Variants in ZCCHC4 observed in about 807,000 individuals in gnomAD.
ZCCHC4 encodes rRNA N(6)-adenosine-methyltransferase ZCCHC4.
A neutral mutation model predicts 67.7 loss-of-function variants in ZCCHC4; 54 were observed. The ratio of observed to expected loss-of-function variants is 0.80; its 90% confidence interval spans 0.64 to 1.00. The LOEUF (loss-of-function observed/expected upper bound fraction) is 1.00, where lower values mean the gene tolerates loss of function less well. ZCCHC4 is among the 50% of genes least tolerant of loss of function. The pLI, the probability that ZCCHC4 is intolerant of heterozygous loss-of-function variation, is 0.00. For synonymous variants in ZCCHC4, 198 were observed against 213.5 expected (o/e 0.93, Z 0.63); for missense variants, 609 against 617.0 (o/e 0.99, Z 0.14).
At chr4:25,319,746 G>C (rs779520477) in intron 3 of ZCCHC4, among the ~76,000 whole-genome samples, 1 of 151,936 alleles carries the variant, frequency 6.6e-6, no homozygotes, top group African/African-American at 2.4e-5. Context: ...TCATGTGTAA[G>C]TAGACCTAAG....
At position 25,358,456 on chromosome 4, in the gene ZCCHC4, TAG is replaced by T. The variant is rs1387612789; in HGVS notation, c.1012-3401_1012-3400del. On this transcript the variant is annotated intron_variant, in intron 8 of 12. Transcript: ENST00000302874. The stretch of plus-strand genomic sequence containing the variant: ...AAAAGCTAAGTTCTTGAATACACAA[TAG>T]ACTTTCTTGTAAAGTCTGTTGTATT... 8.5e-5 allele frequency among the ~76,000 whole-genome samples: 13 copies of T among 152,348 alleles called. No individual in the cohort carries two copies. The East Asian group carries it at 2.5e-3, about 29-fold the overall frequency.
Position 25,349,482 on chromosome 4 carries a change from T to G in ZCCHC4, c.760-10T>G. 6.2e-7 allele frequency: 1 copy of G among 1,611,664 alleles called. No homozygotes were observed. Among genetic ancestry groups the G allele is most frequent in the South Asian group, 1.1e-5 (1 of 90,526 alleles). ...GTCCTAATTTAGAAATGAATTTTTATTTGTTCCAGACTGCCCTTGAAGTAT... is the reference window on the plus strand; with the variant it reads ...GTCCTAATTTAGAAATGAATTTTTAGTTGTTCCAGACTGCCCTTGAAGTAT... On this transcript the variant is annotated splice_polypyrimidine_tract_variant and intron_variant, in intron 6 of 12. Transcript: ENST00000302874.
intron 5 of ZCCHC4, among the ~76,000 whole-genome samples, chr4:25,342,962 ATGAC>A (rs1188369563): frequency 6.6e-6 from 1 of 152,204 alleles, no homozygotes; most frequent in Non-Finnish European, 1.5e-5. Flanking sequence ...ATTTTTAAAA[ATGAC>A]TGTTGTATCT....
At chr4:25,360,698 T>C (rs1238336921) in intron 8 of ZCCHC4, among the ~76,000 whole-genome samples, 1 of 152,200 alleles carries the variant, frequency 6.6e-6, no homozygotes, top group Non-Finnish European at 1.5e-5. Flanking sequence ...CAAGAGGTCT[T>C]GGGACCTGTA....
Position 25,351,639 on chromosome 4 carries a change from G to A in ZCCHC4, c.961G>A (p.Glu321Lys). The change falls in exon 8 of 13, where the codon GAA becomes AAA. Residue 321 changes from glutamate (E) to lysine (K), a missense_variant. Coordinates refer to ENST00000302874, the MANE Select transcript of ZCCHC4 (RefSeq NM_024936.3). ...PIFWIFPYFF[E>K]SRICQFFPSF... ...TTTCTGGATTTTCCCCTATTTTTTT[G>A]AATCCCGAATTTGTCAGTTTTTTCC... is the stretch of plus-strand genomic sequence containing the variant. The A allele has an allele frequency of 6.2e-7, 1 of 1,611,370 alleles. No homozygotes were observed. Among genetic ancestry groups the A allele is most frequent in the Non-Finnish European group, 8.5e-7 (1 of 1,178,980 alleles).
chr4:25,333,301 TCCATTAC>T lies in ZCCHC4; in HGVS notation c.452_458del (p.Ile151SerfsTer2). On this transcript the variant is annotated frameshift_variant, in exon 4 of 13. Transcript: ENST00000302874. LOFTEE classifies it high-confidence loss of function. ...TGAGCATCAGGTTCTGGGTAATGTGTCCATTACCCAGTTAAGAAGGCCCAGTCAACTC... is the reference window on the plus strand; with the variant it reads ...TGAGCATCAGGTTCTGGGTAATGTGTCCAGTTAAGAAGGCCCAGTCAACTC... 6.2e-7 allele frequency: 1 copy of T among 1,614,068 alleles called. No individual in the cohort carries two copies. The highest frequency in any genetic ancestry group is 8.5e-7 in the Non-Finnish European group (1 of 1,179,968).
At chr4:25,328,955 A>G (rs773993442) in intron 3 of ZCCHC4, among the ~76,000 whole-genome samples, 5 of 152,100 alleles carry the variant, frequency 3.3e-5, no homozygotes, top group Non-Finnish European at 7.4e-5. Context: ...TTGGAGGCCA[A>G]AGCAAGTGGG....
chr4:25,336,110 G>C (rs145188361), intron 5 of ZCCHC4, among the ~76,000 whole-genome samples: 2 of 152,280 alleles, frequency 1.3e-5, no homozygotes, highest in African/African-American at 4.8e-5. Flanking sequence ...ATCACCACTA[G>C]GTACTTCTAG....
At chr4:25,341,765 C>A (rs536938660) in intron 5 of ZCCHC4, among the ~76,000 whole-genome samples, 2 of 152,328 alleles carry the variant, frequency 1.3e-5, no homozygotes, top group Admixed American at 1.3e-4. Context: ...TAGTAGCCAT[C>A]TTTAGATATA....
rs115652806 is a variant in ZCCHC4, at chr4:25,359,494, A to G, written c.1012-2365A>G. ...CCTGGGTCTGTTGTCTTGGCCAGAG[A>G]CCGCCACCTGGTCTGATACCAAGGA... On this transcript the variant is annotated intron_variant, in intron 8 of 12. Coordinates refer to ENST00000302874, the MANE Select transcript of ZCCHC4 (RefSeq NM_024936.3). This position sits in a 1 kb window ranked among gnomAD's most constrained non-coding sequence, Gnocchi z 4.9. Among the ~76,000 whole-genome samples, 823 of 152,246 alleles carry G rather than the reference A, an allele frequency of 5.4e-3. 8 individuals are homozygous for G. The highest frequency in any genetic ancestry group is 0.024 in the Middle Eastern group (7 of 294).
chr4:25,345,409 T>A (rs1719959964), intron 5 of ZCCHC4, 139 bp from the exon 6 acceptor site: 7 of 626,568 alleles, frequency 1.1e-5, no homozygotes, highest in Non-Finnish European at 1.7e-5. Context: ...TTCCCTGAAA[T>A]TTTTGCAAAT....
chr4:25,333,972 T>A lies in ZCCHC4; in HGVS notation c.670T>A (p.Leu224Met). The change falls in exon 5 of 13, where the codon TTG becomes ATG. Residue 224 changes from leucine (L) to methionine (M), a missense_variant. By Grantham distance (15) the Leu-to-Met change is conservative. Coordinates refer to ENST00000302874, the MANE Select transcript of ZCCHC4 (RefSeq NM_024936.3). ...GAAGTCTAACATTAAAAGCCTTTTA[T>A]TGGATATTGATTTTCGGTAGGTTTA... ...DKKSNIKSLL[L>M]DIDFRYSQFY... The A allele has an allele frequency of 1.2e-6, 2 of 1,602,940 alleles. No homozygotes were observed. The highest frequency in any genetic ancestry group is 1.7e-6 in the Non-Finnish European group (2 of 1,177,094).
At chr4:25,349,707 T>G (rs1577344636) in intron 7 of ZCCHC4, 65 bp downstream of exon 7, 4 of 1,523,564 alleles carry the variant, frequency 2.6e-6, no homozygotes, top group Non-Finnish European at 3.6e-6. Context: ...AAATATTAGC[T>G]GAGCTCAGTG....
chr4:25,316,170 A>G (rs1442880549), intron 3 of ZCCHC4, among the ~76,000 whole-genome samples: 3 of 152,214 alleles, frequency 2.0e-5, no homozygotes, highest in African/African-American at 7.2e-5. Context: ...ATTCCTTTTT[A>G]CAACTGAATA....
At chr4:25,323,001 G>A (rs1718664387) in intron 3 of ZCCHC4, among the ~76,000 whole-genome samples, 1 of 152,086 alleles carries the variant, frequency 6.6e-6, no homozygotes, top group Non-Finnish European at 1.5e-5. Flanking sequence ...ACCTCTTAAG[G>A]CTAATTCTTT....
intron 6 of ZCCHC4, among the ~76,000 whole-genome samples, chr4:25,349,070 T>C (rs73098407): frequency 0.013 from 2,053 of 152,316 alleles, 49 homozygotes; most frequent in African/African-American, 0.046. Context: ...ACTCATGGCA[T>C]TGGACAAACC....
intron 6 of ZCCHC4, among the ~76,000 whole-genome samples, chr4:25,347,123 C>T (rs1048061840): frequency 2.0e-5 from 3 of 152,086 alleles, no homozygotes; most frequent in Non-Finnish European, 2.9e-5. Flanking sequence ...AGGGCTGTGT[C>T]GTAGTAAATG....
intron 10 of ZCCHC4, among the ~76,000 whole-genome samples, chr4:25,362,737 A>C (rs1016792332): frequency 1.3e-5 from 2 of 152,338 alleles, no homozygotes; most frequent in Non-Finnish European, 2.9e-5. Context: ...AACTCATTTA[A>C]TCCTCACAAC....
intron 3 of ZCCHC4, among the ~76,000 whole-genome samples, chr4:25,325,412 C>A (rs1453926653): frequency 6.7e-6 from 1 of 149,102 alleles, no homozygotes; most frequent in Non-Finnish European, 1.5e-5. Flanking sequence ...GGATTACAGG[C>A]GTGTGCCACC....
Sources: gnomAD v4.1 joint callset for allele counts (sites outside exome capture counted in the v4.1 genomes callset) on GRCh38, gnomAD v4.1.1 for gene constraint, Gnocchi (gnomAD v3.1) non-coding constraint, MANE v1.5 for transcripts, NCBI Gene and HGNC (gene_info 2026-07-23, HGNC 2026-07-21) for gene names.